The following TRPM3 variants were observed in gnomAD, a reference collection of about 807,000 sequenced individuals.
TRPM3 encodes long transient receptor potential channel 3.
A neutral mutation model predicts 181.2 loss-of-function variants in TRPM3; 77 were observed. The ratio of observed to expected loss-of-function variants is 0.42; its 90% CI spans 0.35 to 0.51. The LOEUF is 0.51. Ranked by LOEUF, TRPM3 falls within the 20% of genes least tolerant of loss-of-function variation. The probability of loss-of-function intolerance (pLI) is 0.01; values close to 1 mark genes in which losing one functional copy is unlikely to be tolerated. For synonymous variants in TRPM3, 745 were observed against 796.4 expected (o/e 0.94, Z 1.09); for missense variants, 1,759 against 2,196.7 (o/e 0.80, Z 3.98).
chr9:70,757,116 G>T (rs917744809), intron 8 of TRPM3, among the ~76,000 whole-genome samples: 1 of 151,946 alleles, frequency 6.6e-6, no homozygotes, highest in Non-Finnish European at 1.5e-5. Context: ...AAAGAGAGAA[G>T]AATCGAATAG....
chr9:71,001,699 T>C (rs1427286014), intron 1 of TRPM3, among the ~76,000 whole-genome samples: 1 of 152,180 alleles, frequency 6.6e-6, no homozygotes, highest in African/African-American at 2.4e-5. Flanking sequence ...AAAATCACTG[T>C]AACTGAAGAA....
At chr9:70,805,315 C>T (rs1485844913) in intron 6 of TRPM3, among the ~76,000 whole-genome samples, 1 of 151,846 alleles carries the variant, frequency 6.6e-6, no homozygotes, top group Non-Finnish European at 1.5e-5. Context: ...GACTTTACCT[C>T]ACGAGGTCAG....
At chr9:70,700,805 T>C (rs1180123008) in intron 8 of TRPM3, among the ~76,000 whole-genome samples, 2 of 152,242 alleles carry the variant, frequency 1.3e-5, no homozygotes, top group South Asian at 4.1e-4. Flanking sequence ...CGTGCACACA[T>C]GTATGTACAT....
chr9:71,412,166 A>G (rs2093562341), intron 1 of TRPM3, among the ~76,000 whole-genome samples: 1 of 152,174 alleles, frequency 6.6e-6, no homozygotes, highest in African/African-American at 2.4e-5. Context: ...CCTAGGCAAT[A>G]CCATTCAGGA....
At chr9:71,029,280 T>G (rs990486423) in intron 1 of TRPM3, among the ~76,000 whole-genome samples, 2 of 152,146 alleles carry the variant, frequency 1.3e-5, no homozygotes, top group African/African-American at 2.4e-5. Flanking sequence ...GTCTGAGGAT[T>G]CCAGATAAAG....
chr9:71,209,611 T>C (rs2079353718), intron 1 of TRPM3, among the ~76,000 whole-genome samples: 1 of 152,200 alleles, frequency 6.6e-6, no homozygotes. Flanking sequence ...CACCTGCTGA[T>C]AGAGACAGAG....
At chr9:71,015,373 G>A (rs2097776432) in intron 1 of TRPM3, among the ~76,000 whole-genome samples, 1 of 152,136 alleles carries the variant, frequency 6.6e-6, no homozygotes. Flanking sequence ...CCAATGTGGA[G>A]GCTGAAATGC....
chr9:70,995,724 C>T (rs1297323910), intron 1 of TRPM3, among the ~76,000 whole-genome samples: 2 of 152,122 alleles, frequency 1.3e-5, no homozygotes, highest in African/African-American at 2.4e-5. Context: ...GGCAAGATGA[C>T]ACATAAACTC....
At chr9:70,557,120 G>T (rs2047903325) in intron 22 of TRPM3, among the ~76,000 whole-genome samples, 1 of 152,176 alleles carries the variant, frequency 6.6e-6, no homozygotes, top group South Asian at 2.1e-4. Flanking sequence ...TGTTCTTAAA[G>T]AACTTGTAAT....
chr9:70,936,638 G>A (rs1363267633), intron 1 of TRPM3, among the ~76,000 whole-genome samples: 1 of 152,174 alleles, frequency 6.6e-6, no homozygotes, highest in African/African-American at 2.4e-5. Flanking sequence ...GAAAGCTACA[G>A]TCTTTATCTC....
intron 1 of TRPM3, among the ~76,000 whole-genome samples, chr9:70,956,768 C>T (rs2097077492): frequency 6.6e-6 from 1 of 151,704 alleles, no homozygotes; most frequent in East Asian, 2.0e-4. Flanking sequence ...CATCTATAGC[C>T]CCAGCTGCTA....
At chr9:71,109,428 G>C (rs2070529082) in intron 1 of TRPM3, among the ~76,000 whole-genome samples, 1 of 151,728 alleles carries the variant, frequency 6.6e-6, no homozygotes, top group South Asian at 2.1e-4. Flanking sequence ...CTGTTAATTT[G>C]CATTGCATCA....
intron 15 of TRPM3, among the ~76,000 whole-genome samples, chr9:70,620,997 C>G (rs966737408): frequency 2.7e-5 from 4 of 146,848 alleles, no homozygotes; most frequent in Non-Finnish European, 6.0e-5. Context: ...GTGAGCAACC[C>G]TTATGACACA....
intron 22 of TRPM3, among the ~76,000 whole-genome samples, chr9:70,562,868 C>A (rs116607589): frequency 3.9e-5 from 6 of 152,126 alleles, no homozygotes; most frequent in Non-Finnish European, 8.8e-5. Flanking sequence ...CTATTGTACA[C>A]GCCAGTGGGT....
intron 1 of TRPM3, among the ~76,000 whole-genome samples, chr9:71,042,929 A>AAAGCAC (rs2058997424): frequency 6.6e-6 from 1 of 152,232 alleles, no homozygotes; most frequent in South Asian, 2.1e-4. Context: ...ATCATTTAAG[A>AAAGCAC]AAGCACTATA....
chr9:71,015,842 T>C (rs965415190), intron 1 of TRPM3, among the ~76,000 whole-genome samples: 1 of 152,172 alleles, frequency 6.6e-6, no homozygotes, highest in African/African-American at 2.4e-5. Context: ...GGATCAGGTA[T>C]TGGGCAGTTC....
At chr9:71,187,429 A>G (rs2077741118) in intron 1 of TRPM3, among the ~76,000 whole-genome samples, 1 of 151,968 alleles carries the variant, frequency 6.6e-6, no homozygotes, top group South Asian at 2.1e-4. Context: ...AAAGGCCTCC[A>G]AAGCTAGAAA....
At chr9:71,222,585 T>C (rs2080304830) in intron 1 of TRPM3, among the ~76,000 whole-genome samples, 2 of 152,226 alleles carry the variant, frequency 1.3e-5, no homozygotes, top group African/African-American at 4.8e-5. Context: ...AAAAGCACCC[T>C]TCTAAGAACC....
At chr9:71,437,989 C>G (rs1423982574) in intron 1 of TRPM3, among the ~76,000 whole-genome samples, 1 of 151,936 alleles carries the variant, frequency 6.6e-6, no homozygotes, top group Non-Finnish European at 1.5e-5. Flanking sequence ...AAATGAGAGA[C>G]AGCCAGAACA....
Sources: gnomAD v4.1 joint callset for allele counts (sites outside exome capture counted in the v4.1 genomes callset) on GRCh38, gnomAD v4.1.1 for gene constraint, MANE v1.5 for transcripts, NCBI Gene and HGNC (gene_info 2026-07-23, HGNC 2026-07-21) for gene names.